The following KAZN variants were observed in gnomAD, a reference collection of about 807,000 sequenced individuals.
KAZN encodes the protein kazrin, periplakin interacting protein, also known as kazrin.
KAZN carries 40 observed loss-of-function variants against 87.4 expected under a neutral mutation model. That is an observed-to-expected ratio of 0.46 (90% CI 0.36 to 0.60). KAZN has a LOEUF of 0.60. KAZN is among the 20% of genes least tolerant of loss of function. The pLI is 0.00. For synonymous variants in KAZN, 466 were observed against 458.3 expected, an observed-to-expected ratio of 1.02 and a Z score of -0.22; for missense variants, 898 against 1,073.9, an observed-to-expected ratio of 0.84 and a Z score of 2.29.
intron 2 of KAZN, among the ~76,000 whole-genome samples, chr1:14,997,971 A>C (rs72855835): frequency 0.19 from 28,455 of 152,184 alleles, 3,873 homozygotes; most frequent in African/African-American, 0.38. Context: ...GACCACCCAG[A>C]CAGGCTAAGC....
chr1:14,981,759 G>T (rs987574793), intron 2 of KAZN, among the ~76,000 whole-genome samples: 1 of 152,162 alleles, frequency 6.6e-6, no homozygotes, highest in African/African-American at 2.4e-5. Context: ...TATAAGTCAC[G>T]GCCATCCTTG....
At chr1:15,076,751 T>G (rs1553185842) in intron 8 of KAZN, among the ~76,000 whole-genome samples, 5 of 152,222 alleles carry the variant, frequency 3.3e-5, no homozygotes, top group Non-Finnish European at 4.4e-5. Context: ...TTACTAGTTG[T>G]AAAGCACCAG....
intron 1 of KAZN, among the ~76,000 whole-genome samples, chr1:13,917,417 CTGGTGAG>C (rs1364780950): frequency 6.6e-6 from 1 of 152,188 alleles, no homozygotes; most frequent in African/African-American, 2.4e-5. Flanking sequence ...CAGGCTGACT[CTGGTGAG>C]TGGCCAATGC....
At chr1:14,299,832 T>C (rs1024433992) in intron 2 of KAZN, among the ~76,000 whole-genome samples, 1 of 152,208 alleles carries the variant, frequency 6.6e-6, no homozygotes, top group African/African-American at 2.4e-5. Flanking sequence ...GCAAGTCGCA[T>C]GGCCAAGCCC....
intron 2 of KAZN, among the ~76,000 whole-genome samples, chr1:14,540,486 C>A (rs1672744648): frequency 1.3e-5 from 2 of 152,098 alleles, no homozygotes; most frequent in African/African-American, 4.8e-5. Context: ...AGTGATGCAA[C>A]CATGGTGAAC....
In KAZN at chr1:14,565,402, TA is replaced by T. The variant is rs959494486; in HGVS notation, c.250-33573del. On this transcript the variant is annotated intron_variant, in intron 2 of 16. Transcript: ENST00000636203. ...ATACCTTAATTAAACATTTTATTCC[TA>T]AAAAAAATGCTAATGATCACCTGAG... 3.2e-4 allele frequency among the ~76,000 whole-genome samples: 49 copies of T among 152,078 alleles called. No individual in the cohort carries two copies. The East Asian group carries it at 4.8e-3, about 15-fold the overall frequency.
At chr1:14,324,902 T>G (rs1290202474) in intron 2 of KAZN, among the ~76,000 whole-genome samples, 1 of 152,154 alleles carries the variant, frequency 6.6e-6, no homozygotes, top group Non-Finnish European at 1.5e-5. Flanking sequence ...CAATTTCCAT[T>G]AGGCCACAGA....
intron 2 of KAZN, among the ~76,000 whole-genome samples, chr1:14,242,940 A>G (rs1409003486): frequency 6.6e-6 from 1 of 152,252 alleles, no homozygotes; most frequent in Non-Finnish European, 1.5e-5. Context: ...AACAGGTCAT[A>G]CAAGGATACG....
intron 1 of KAZN, among the ~76,000 whole-genome samples, chr1:13,909,153 C>G (rs540974553): frequency 6.6e-6 from 1 of 152,166 alleles, no homozygotes; most frequent in Non-Finnish European, 1.5e-5. Flanking sequence ...TATTGATAAT[C>G]TTAGTGTCCA....
chr1:14,488,704 G>C (rs2148404432), intron 2 of KAZN, among the ~76,000 whole-genome samples: 1 of 152,270 alleles, frequency 6.6e-6, no homozygotes, highest in South Asian at 2.1e-4. Flanking sequence ...AGGAATTCCA[G>C]AAAAGAAAAC....
chr1:14,357,472 G>A (rs1186691220), intron 2 of KAZN, among the ~76,000 whole-genome samples: 3 of 152,164 alleles, frequency 2.0e-5, no homozygotes, highest in Non-Finnish European at 4.4e-5. Context: ...GAATAAAAGT[G>A]GTGAGAGACG....
intron 2 of KAZN, among the ~76,000 whole-genome samples, chr1:14,277,373 AC>A (rs1457064754): frequency 1.1e-4 from 16 of 152,312 alleles, no homozygotes; most frequent in African/African-American, 3.8e-4. Flanking sequence ...CGAGTTAGAA[AC>A]AACAGTAACG....
At chr1:14,411,101 C>A (rs1181772709) in intron 2 of KAZN, among the ~76,000 whole-genome samples, 1 of 152,092 alleles carries the variant, frequency 6.6e-6, no homozygotes, top group African/African-American at 2.4e-5. Context: ...TCCAGTGAAA[C>A]GGGAGAATGC....
chr1:14,732,510 A>G (rs34735827), intron 1 of KAZN, among the ~76,000 whole-genome samples: 24,911 of 152,004 alleles, frequency 0.16, 2,081 homozygotes, highest in Non-Finnish European at 0.18. Context: ...ATGGTGACAC[A>G]TGCCTGTAGT....
chr1:14,821,625 A>G (rs1434619060), intron 1 of KAZN, among the ~76,000 whole-genome samples: 1 of 152,108 alleles, frequency 6.6e-6, no homozygotes, highest in African/African-American at 2.4e-5. Flanking sequence ...AGATACACCC[A>G]GAGGGACAAC....
chr1:14,991,869 TGAGAGG>T (rs1451737639), intron 2 of KAZN, among the ~76,000 whole-genome samples: 1 of 152,204 alleles, frequency 6.6e-6, no homozygotes, highest in East Asian at 1.9e-4. Context: ...AGACAGAACA[TGAGAGG>T]TTCTAGCCCT....
intron 1 of KAZN, among the ~76,000 whole-genome samples, chr1:14,072,976 C>G (rs1205726863): frequency 6.6e-6 from 1 of 152,150 alleles, no homozygotes; most frequent in East Asian, 1.9e-4. Context: ...TGATGGGAGT[C>G]TTTTTAGATC....
intron 1 of KAZN, among the ~76,000 whole-genome samples, chr1:14,905,112 G>T (rs1424202024): frequency 6.6e-6 from 1 of 152,168 alleles, no homozygotes; most frequent in South Asian, 2.1e-4. Flanking sequence ...AGGCTGGAGT[G>T]CAGTGGCGTG....
chr1:14,635,484 G>A (rs1243953892), intron 1 of KAZN, among the ~76,000 whole-genome samples: 1 of 152,204 alleles, frequency 6.6e-6, no homozygotes. Context: ...CTGGGTCAGT[G>A]TTGGGTGCCT....
Sources: allele counts gnomAD v4.1 joint callset (sites outside exome capture counted in the v4.1 genomes callset), GRCh38; gene constraint gnomAD v4.1.1; transcripts MANE v1.5; gene names NCBI Gene and HGNC (gene_info 2026-07-23, HGNC 2026-07-21).